Variants in MDGA2 observed in about 807,000 individuals in gnomAD.
MDGA2 encodes the protein MAM domain-containing glycosylphosphatidylinositol anchor protein 2.
In MDGA2, 40 loss-of-function variants were observed where a neutral mutation model predicts 117.8. That is an observed-to-expected ratio of 0.34 (90% CI 0.26 to 0.44). The LOEUF is 0.44. MDGA2 is among the 20% of genes least tolerant of loss of function. MDGA2 has a pLI of 1.00. For synonymous variants in MDGA2, 452 were observed against 439.0 expected (o/e 1.03, Z -0.37); for missense variants, 1,123 against 1,250.6 (o/e 0.90, Z 1.54).
At chr14:47,555,774 T>C (rs1337381610) in intron 1 of MDGA2, among the ~76,000 whole-genome samples, 2 of 152,206 alleles carry the variant, frequency 1.3e-5, no homozygotes, top group African/African-American at 4.8e-5. Context: ...GCTCCTTCTA[T>C]CTTCAGTCTC....
In MDGA2 at chr14:47,587,314, C is replaced by T. The variant is rs1217324901; in HGVS notation, c.280+87203G>A. On this transcript the variant is annotated intron_variant, in intron 1 of 16. Transcript: ENST00000399232. Reference sequence around the variant, plus strand: ...CTTAAAATAAAACTTAAAATAAAAACCTGAGATATTTTTGGAATATATATT... The same window carrying T: ...CTTAAAATAAAACTTAAAATAAAAATCTGAGATATTTTTGGAATATATATT... Among the ~76,000 whole-genome samples, 5 of 151,454 alleles carry T rather than the reference C, an allele frequency of 3.3e-5. No homozygotes were observed. In the South Asian group the frequency reaches 1.0e-3, roughly 31 times the overall value.
At chr14:46,979,386 A>C (rs1479057363) in intron 8 of MDGA2, among the ~76,000 whole-genome samples, 1 of 152,146 alleles carries the variant, frequency 6.6e-6, no homozygotes, top group African/African-American at 2.4e-5. Context: ...AAGTGTTCAC[A>C]TGAAAGGAAG....
At chr14:47,138,845 T>C (rs535185413) in intron 4 of MDGA2, among the ~76,000 whole-genome samples, 4 of 152,164 alleles carry the variant, frequency 2.6e-5, no homozygotes, top group African/African-American at 9.6e-5. Context: ...AGTAAGTGAG[T>C]GGAAGGACGA....
At chr14:47,540,928 A>G (rs1417921886) in intron 1 of MDGA2, among the ~76,000 whole-genome samples, 2 of 152,110 alleles carry the variant, frequency 1.3e-5, no homozygotes, top group Non-Finnish European at 1.5e-5. Context: ...ATCACCATGA[A>G]GGAATTTTTT....
At chr14:47,087,850 G>T (rs1594606716) in intron 6 of MDGA2, among the ~76,000 whole-genome samples, 1 of 145,368 alleles carries the variant, frequency 6.9e-6, no homozygotes, top group Admixed American at 6.8e-5. Context: ...ACTAATGAAA[G>T]AATTTTAGAA....
chr14:47,026,502 C>T (rs960379861), intron 8 of MDGA2, among the ~76,000 whole-genome samples: 13 of 151,954 alleles, frequency 8.6e-5, no homozygotes, highest in Non-Finnish European at 1.9e-4. Flanking sequence ...TAGCACTAAG[C>T]ATATTATTGT....
At chr14:47,411,220 T>TC (rs1379266608) in intron 1 of MDGA2, among the ~76,000 whole-genome samples, 1 of 152,134 alleles carries the variant, frequency 6.6e-6, no homozygotes, top group Admixed American at 6.6e-5. Context: ...ACCATAAACG[T>TC]CCTTTTTTTT....
At chr14:47,059,662 T>C (rs944381725) in intron 7 of MDGA2, among the ~76,000 whole-genome samples, 4 of 152,112 alleles carry the variant, frequency 2.6e-5, no homozygotes, top group Non-Finnish European at 4.4e-5. Flanking sequence ...TAATGGTATA[T>C]AAACTGTGCT....
intron 10 of MDGA2, among the ~76,000 whole-genome samples, chr14:46,892,297 T>A (rs1462358909): frequency 1.3e-5 from 2 of 148,776 alleles, no homozygotes. Flanking sequence ...TGTGGGAAAA[T>A]GAATATCCAC....
intron 14 of MDGA2, among the ~76,000 whole-genome samples, chr14:46,865,428 A>G (rs1295496780): frequency 6.6e-6 from 1 of 152,180 alleles, no homozygotes; most frequent in Non-Finnish European, 1.5e-5. Flanking sequence ...ACCCACAGCC[A>G]ATATCATACT....
chr14:47,671,583 T>C (rs1482144129), intron 1 of MDGA2, among the ~76,000 whole-genome samples: 1 of 152,218 alleles, frequency 6.6e-6, no homozygotes, highest in East Asian at 1.9e-4. Flanking sequence ...ACCATGATAC[T>C]AGAAAACACT....
At chr14:47,496,801 CT>C (rs1354078997) in intron 1 of MDGA2, among the ~76,000 whole-genome samples, 1 of 150,938 alleles carries the variant, frequency 6.6e-6, no homozygotes, top group African/African-American at 2.4e-5. Context: ...TACATATATG[CT>C]CAGTAAAATA....
At chr14:47,542,455 C>G (rs117858743) in intron 1 of MDGA2, among the ~76,000 whole-genome samples, 3,357 of 152,230 alleles carry the variant, frequency 0.022, 64 homozygotes, top group Non-Finnish European at 0.036. Context: ...CTCTGAGAAG[C>G]AATTCGATGA....
At chr14:47,486,916 G>A (rs1019920038) in intron 1 of MDGA2, among the ~76,000 whole-genome samples, 6 of 152,240 alleles carry the variant, frequency 3.9e-5, no homozygotes, top group African/African-American at 1.4e-4. Flanking sequence ...GCAGCAGCGT[G>A]AAAAAAGACT....
chr14:47,172,460 G>C (rs544395610), intron 3 of MDGA2, among the ~76,000 whole-genome samples: 1 of 151,952 alleles, frequency 6.6e-6, no homozygotes, highest in African/African-American at 2.4e-5. Context: ...ACTTCCAGCG[G>C]AACGATCAGA....
At chr14:47,360,607 T>C (rs1891099667) in intron 1 of MDGA2, among the ~76,000 whole-genome samples, 1 of 152,014 alleles carries the variant, frequency 6.6e-6, no homozygotes, top group Non-Finnish European at 1.5e-5. Context: ...AAAGGAAACC[T>C]TTGTATACTG....
intron 1 of MDGA2, among the ~76,000 whole-genome samples, chr14:47,659,508 ATAAGATATTT>A (rs1566562797): frequency 6.6e-6 from 1 of 152,244 alleles, no homozygotes; most frequent in Admixed American, 6.5e-5. Flanking sequence ...TTTTAGGTTC[ATAAGATATTT>A]TACCTTTTAT....
intron 9 of MDGA2, among the ~76,000 whole-genome samples, chr14:46,930,471 G>C (rs1884527389): frequency 6.6e-6 from 1 of 151,986 alleles, no homozygotes; most frequent in Admixed American, 6.6e-5. Flanking sequence ...AACATTTAAT[G>C]GACGTTTTAA....
At chr14:46,862,524 T>A (rs981584956) in intron 14 of MDGA2, among the ~76,000 whole-genome samples, 1 of 150,910 alleles carries the variant, frequency 6.6e-6, no homozygotes, top group Non-Finnish European at 1.5e-5. Context: ...ACTATAAATA[T>A]GTATTATATA....
Sources: gnomAD v4.1 joint callset for allele counts (sites outside exome capture counted in the v4.1 genomes callset) on GRCh38, gnomAD v4.1.1 for gene constraint, MANE v1.5 for transcripts, NCBI Gene and HGNC (gene_info 2026-07-23, HGNC 2026-07-21) for gene names.